Variants in RBFOX1 observed in about 807,000 individuals in gnomAD.
RBFOX1 encodes the protein RNA binding fox-1 homolog 1.
A neutral mutation model predicts 57.7 loss-of-function variants in RBFOX1; 8 were observed. The observed-to-expected ratio is 0.14, with a 90% CI of 0.08 to 0.25. The LOEUF is 0.25. RBFOX1 is among the 10% of genes least tolerant of loss of function. The probability of loss-of-function intolerance (pLI) is 1.00; values close to 1 mark genes in which losing one functional copy is unlikely to be tolerated. For synonymous variants in RBFOX1, 326 were observed against 222.4 expected (o/e 1.47, Z -4.15); for missense variants, 611 against 548.5 (o/e 1.11, Z -1.14).
chr16:7,338,480 C>T (rs917750597), intron 4 of RBFOX1, among the ~76,000 whole-genome samples: 3 of 152,282 alleles, frequency 2.0e-5, no homozygotes, highest in African/African-American at 4.8e-5. Context: ...ACTGTAGCCT[C>T]GAACTCCTGG....
intron 3 of RBFOX1, among the ~76,000 whole-genome samples, chr16:6,957,374 G>A (rs1009502850): frequency 6.6e-6 from 1 of 152,036 alleles, no homozygotes; most frequent in Non-Finnish European, 1.5e-5. Context: ...TTCGTGATCT[G>A]CCTCCCAATG....
intron 1 of RBFOX1, among the ~76,000 whole-genome samples, chr16:5,305,712 G>T (rs888742969): frequency 1.3e-5 from 2 of 152,134 alleles, no homozygotes; most frequent in African/African-American, 4.8e-5. Context: ...GACACTTCTG[G>T]GTGGTGGGCA....
chr16:6,500,864 C>T (rs1271345029), intron 2 of RBFOX1, among the ~76,000 whole-genome samples: 4 of 40,328 alleles, frequency 9.9e-5, no homozygotes, highest in Non-Finnish European at 2.5e-4. Context: ...TTATCTCAGC[C>T]CTTGGGGAGT....
intron 3 of RBFOX1, among the ~76,000 whole-genome samples, chr16:6,927,048 C>A (rs1567917794): frequency 1.3e-5 from 2 of 152,046 alleles, no homozygotes; most frequent in Non-Finnish European, 2.9e-5. Context: ...TTACCTAAAT[C>A]CACCCACCAT....
chr16:7,099,574 T>A (rs1478701), intron 4 of RBFOX1, among the ~76,000 whole-genome samples: 87,619 of 151,928 alleles, frequency 0.58, 25,534 homozygotes, highest in South Asian at 0.65. Flanking sequence ...GAGGTTAAGG[T>A]TGCACCCTTG....
intron 4 of RBFOX1, among the ~76,000 whole-genome samples, chr16:7,186,291 A>AAC (rs1447178393): frequency 8.6e-6 from 1 of 116,666 alleles, no homozygotes; most frequent in South Asian, 3.0e-4. Context: ...TATTTATATA[A>AAC]ATATAAACAT....
chr16:7,408,536 G>T (rs1321918111), intron 4 of RBFOX1, among the ~76,000 whole-genome samples: 1 of 152,138 alleles, frequency 6.6e-6, no homozygotes, highest in African/African-American at 2.4e-5. Flanking sequence ...TCTCTAGACT[G>T]CCCATCGATT....
intron 2 of RBFOX1, among the ~76,000 whole-genome samples, chr16:6,560,174 C>CA (rs5815323): frequency 0.37 from 44,261 of 121,214 alleles, 9,255 homozygotes; most frequent in Non-Finnish European, 0.5. Flanking sequence ...TGCCATTTAT[C>CA]AAAAAAAAAA....
intron 1 of RBFOX1, among the ~76,000 whole-genome samples, chr16:6,241,514 C>T (rs910085947): frequency 2.0e-5 from 3 of 152,144 alleles, no homozygotes; most frequent in Admixed American, 6.5e-5. Context: ...TAATTTTCCT[C>T]GTAAGTAATT....
At chr16:7,441,176 G>A (rs1213851869) in intron 4 of RBFOX1, among the ~76,000 whole-genome samples, 1 of 152,178 alleles carries the variant, frequency 6.6e-6, no homozygotes, top group Non-Finnish European at 1.5e-5. Context: ...ATTGGCCCAG[G>A]AAACTCAGGA....
chr16:7,037,389 A>C (rs866027097), intron 3 of RBFOX1, among the ~76,000 whole-genome samples: 1 of 151,748 alleles, frequency 6.6e-6, no homozygotes, highest in South Asian at 2.1e-4. Context: ...TTATAGGCAT[A>C]CACCACCATG....
chr16:7,436,486 C>T (rs1598386021), intron 4 of RBFOX1, among the ~76,000 whole-genome samples: 1 of 152,200 alleles, frequency 6.6e-6, no homozygotes, highest in African/African-American at 2.4e-5. Flanking sequence ...CATGTGTCTT[C>T]ACAACCCAGT....
chr16:6,098,477 G>C (rs1461030662), intron 1 of RBFOX1, among the ~76,000 whole-genome samples: 2 of 152,198 alleles, frequency 1.3e-5, no homozygotes, highest in Non-Finnish European at 2.9e-5. Context: ...CCAGGTTCAA[G>C]GTTAGCACTA....
intron 2 of RBFOX1, among the ~76,000 whole-genome samples, chr16:6,502,499 A>G (rs895345400): frequency 5.3e-5 from 8 of 152,290 alleles, no homozygotes; most frequent in South Asian, 2.1e-4. Context: ...CCCATCTACT[A>G]TTTTAAGGAT....
intron 3 of RBFOX1, among the ~76,000 whole-genome samples, chr16:6,963,712 T>A (rs552566848): frequency 5.9e-5 from 9 of 152,198 alleles, no homozygotes; most frequent in African/African-American, 1.4e-4. Context: ...TATTATTATT[T>A]TTTTGAGATG....
At chr16:6,657,615 G>A (rs146379495) in intron 3 of RBFOX1, among the ~76,000 whole-genome samples, 1,577 of 152,168 alleles carry the variant, frequency 0.01, 18 homozygotes, top group Middle Eastern at 0.017. Context: ...GCTCACGCAC[G>A]TGTGTGTGTG....
At position 5,914,978 on chromosome 16, in the gene RBFOX1, C is replaced by G. The variant is rs575599582; in HGVS notation, c.351+47643C>G. ...TTGGAACCCACAGCCTTTTTATCAC[C>G]TACTATTGTGATGTGCCATCACTTT... On this transcript the variant is annotated intron_variant, in intron 4 of 19. Transcript: ENST00000641259. Among the ~76,000 whole-genome samples the G allele has an allele frequency of 2.3e-4, 35 of 152,268 alleles. 1 individual carries two copies. The South Asian group carries it at 6.8e-3, about 30-fold the overall frequency.
chr16:7,173,379 A>G (rs979670634), intron 4 of RBFOX1, among the ~76,000 whole-genome samples: 11 of 152,220 alleles, frequency 7.2e-5, no homozygotes, highest in Non-Finnish European at 1.3e-4. Context: ...CTGTCATGCT[A>G]TAAAACAGAA....
intron 4 of RBFOX1, among the ~76,000 whole-genome samples, chr16:7,152,458 A>C (rs769018566): frequency 6.6e-6 from 1 of 152,210 alleles, no homozygotes; most frequent in Non-Finnish European, 1.5e-5. Flanking sequence ...TCATAGTTCA[A>C]AACTCCATTA....
Sources: gnomAD v4.1 joint callset for allele counts (sites outside exome capture counted in the v4.1 genomes callset) on GRCh38, gnomAD v4.1.1 for gene constraint, MANE v1.5 for transcripts, NCBI Gene and HGNC (gene_info 2026-07-23, HGNC 2026-07-21) for gene names.